EPHA3: variants seen among roughly 807,000 people sequenced by gnomAD.
EPHA3 encodes ephrin type-A receptor 3.
Under a neutral mutation model 107.1 loss-of-function variants are expected in EPHA3, and 42 were observed. The ratio of observed to expected loss-of-function variants is 0.39; its 90% CI spans 0.31 to 0.51. The LOEUF is 0.51. Ranked by LOEUF, EPHA3 falls within the 20% of genes least tolerant of loss-of-function variation. The probability of loss-of-function intolerance (pLI) is 0.78; values close to 1 mark genes in which losing one functional copy is unlikely to be tolerated. For synonymous variants in EPHA3, 461 were observed against 424.8 expected (o/e 1.09, Z -1.05); for missense variants, 1,183 against 1,211.2 (o/e 0.98, Z 0.35).
intron 16 of EPHA3, among the ~76,000 whole-genome samples, chr3:89,474,606 A>C (rs1368251507): frequency 6.6e-6 from 1 of 152,166 alleles, no homozygotes; most frequent in Non-Finnish European, 1.5e-5. Flanking sequence ...AAATATCAAC[A>C]CTCAAAACTT....
rs1027305939 is a variant in EPHA3 at position 89,210,003 on chromosome 3, C to T, written c.297C>T (p.Leu99=). Reference sequence around the variant, plus strand: ...CAGCTCAGAAGATTTATGTGGAGCTCAAGTTCACTCTACGAGACTGCAATA... The same window carrying T: ...CAGCTCAGAAGATTTATGTGGAGCTTAAGTTCACTCTACGAGACTGCAATA... ...RNSAQKIYVE[L]KFTLRDCNSI... is the part of the protein sequence containing the mutation. The change falls in exon 3 of 17, where the codon CTC becomes CTT. Residue 99 remains leucine (L), a synonymous_variant. Coordinates refer to ENST00000336596, the MANE Select transcript of EPHA3 (RefSeq NM_005233.6). The T allele has an allele frequency of 4.1e-5, 66 of 1,613,846 alleles. No homozygotes were observed. Among genetic ancestry groups the T allele is most frequent in the Non-Finnish European group, 5.3e-5 (63 of 1,179,946 alleles).
At chr3:89,454,520 A>G (rs1710059644) in intron 15 of EPHA3, among the ~76,000 whole-genome samples, 1 of 152,112 alleles carries the variant, frequency 6.6e-6, no homozygotes. Flanking sequence ...GACCTGGACC[A>G]CTGCAATAGG....
chr3:89,370,298 A>T (rs545688961), intron 5 of EPHA3, among the ~76,000 whole-genome samples: 1 of 151,808 alleles, frequency 6.6e-6, no homozygotes, highest in African/African-American at 2.4e-5. Flanking sequence ...AAAATGTGGC[A>T]CATATACACC....
At chr3:89,170,036 CA>C (rs1705175762) in intron 2 of EPHA3, among the ~76,000 whole-genome samples, 1 of 151,962 alleles carries the variant, frequency 6.6e-6, no homozygotes, top group Admixed American at 6.5e-5. Context: ...ATCACGAGGT[CA>C]GGGGATCGAG....
At chr3:89,470,023 G>A (rs541945944) in intron 15 of EPHA3, among the ~76,000 whole-genome samples, 115 of 151,206 alleles carry the variant, frequency 7.6e-4, no homozygotes, top group South Asian at 1.9e-3. Context: ...GAACTAAAAC[G>A]GCAAAAAATC....
rs1403998013 is a variant in EPHA3, at chr3:89,347,044, G to C, written c.1306+4954G>C. On this transcript the variant is annotated intron_variant, in intron 5 of 16. Coordinates refer to ENST00000336596, the MANE Select transcript of EPHA3 (RefSeq NM_005233.6). ...AGCCTTGTAGTATAGTTTGAAGTCA[G>C]GTAGTGTGATGCCTCCAGCTTTGTT... Among the ~76,000 whole-genome samples the C allele has an allele frequency of 7.7e-5, 11 of 142,744 alleles. 1 individual carries two copies. Among genetic ancestry groups the C allele is most frequent in the Non-Finnish European group, 1.7e-4 (11 of 64,970 alleles). The allele number at this position is 142,744 out of a possible 152,430, so 93.6% of individuals were successfully genotyped here.
intron 1 of EPHA3, among the ~76,000 whole-genome samples, chr3:89,119,338 C>A (rs534793452): frequency 6.6e-6 from 1 of 152,066 alleles, no homozygotes; most frequent in East Asian, 1.9e-4. Flanking sequence ...TCTCATTGGT[C>A]TTTATTTGCA....
chr3:89,242,689 A>T (rs1704931994), intron 3 of EPHA3, among the ~76,000 whole-genome samples: 1 of 151,960 alleles, frequency 6.6e-6, no homozygotes, highest in Non-Finnish European at 1.5e-5. Context: ...TGCCTGCCTC[A>T]GCCTCCCAAA....
intron 2 of EPHA3, among the ~76,000 whole-genome samples, chr3:89,170,925 T>G (rs1705197306): frequency 7.4e-6 from 1 of 134,530 alleles, no homozygotes; most frequent in South Asian, 2.5e-4. Flanking sequence ...GAGCATATGC[T>G]AACTCTTTAA....
At chr3:89,380,739 T>C (rs907246940) in intron 5 of EPHA3, among the ~76,000 whole-genome samples, 1 of 151,454 alleles carries the variant, frequency 6.6e-6, no homozygotes, top group African/African-American at 2.4e-5. Context: ...TACTATAAAC[T>C]GTGACTCTTT....
In EPHA3 at chr3:89,160,191, A is replaced by G. The variant is rs116445087; in HGVS notation, c.153+32918A>G. ...ATAATATATAATATATTAGAAATCA[A>G]TAATGTTTGGAACAATCAGAATGGA... On this transcript the variant is annotated intron_variant, in intron 2 of 16. Coordinates refer to ENST00000336596, the MANE Select transcript of EPHA3 (RefSeq NM_005233.6). 5.6e-3 allele frequency among the ~76,000 whole-genome samples: 848 copies of G among 152,176 alleles called. 4 individuals are homozygous for G. The highest frequency in any genetic ancestry group is 8.4e-3 in the Non-Finnish European group (573 of 68,002).
intron 11 of EPHA3, among the ~76,000 whole-genome samples, chr3:89,420,595 T>A (rs967568754): frequency 2.6e-5 from 4 of 151,544 alleles, no homozygotes; most frequent in African/African-American, 7.3e-5. Context: ...AATTTTAAGT[T>A]AATAATTAAT....
intron 3 of EPHA3, among the ~76,000 whole-genome samples, chr3:89,273,645 AG>A (rs1705734267): frequency 6.6e-6 from 1 of 151,856 alleles, no homozygotes; most frequent in South Asian, 2.1e-4. Context: ...TGCTGCTCCT[AG>A]GGGAAATACA....
intron 3 of EPHA3, among the ~76,000 whole-genome samples, chr3:89,336,833 G>A (rs1707403043): frequency 6.6e-6 from 1 of 152,046 alleles, no homozygotes; most frequent in Admixed American, 6.6e-5. Flanking sequence ...AGCTGAAGGG[G>A]GAGAAACTCT....
chr3:89,397,063 A>G (rs1448060743), intron 6 of EPHA3, among the ~76,000 whole-genome samples: 3 of 152,128 alleles, frequency 2.0e-5, no homozygotes, highest in East Asian at 1.9e-4. Context: ...AATTATTGGC[A>G]TAATCAACTG....
At chr3:89,320,774 T>G (rs1326730052) in intron 3 of EPHA3, among the ~76,000 whole-genome samples, 1 of 152,000 alleles carries the variant, frequency 6.6e-6, no homozygotes, top group African/African-American at 2.4e-5. Flanking sequence ...CCTGAAAAAT[T>G]GTTACTGAAA....
chr3:89,418,559 T>C (rs1709295224), intron 10 of EPHA3, among the ~76,000 whole-genome samples: 1 of 151,404 alleles, frequency 6.6e-6, no homozygotes, highest in Non-Finnish European at 1.5e-5. Context: ...AGACTTTTTT[T>C]TTTAAATTGA....
At chr3:89,372,113 C>G (rs2107472623) in intron 5 of EPHA3, among the ~76,000 whole-genome samples, 1 of 151,724 alleles carries the variant, frequency 6.6e-6, no homozygotes, top group East Asian at 1.9e-4. Context: ...CTGAAACATT[C>G]CGATAAAATT....
chr3:89,136,852 A>G (rs1028804496), intron 2 of EPHA3, among the ~76,000 whole-genome samples: 1 of 151,818 alleles, frequency 6.6e-6, no homozygotes, highest in African/African-American at 2.4e-5. Flanking sequence ...ATCATTCTTT[A>G]TTTTTTTAAA....
Sources: allele counts gnomAD v4.1 joint callset (sites outside exome capture counted in the v4.1 genomes callset), GRCh38; gene constraint gnomAD v4.1.1; transcripts MANE v1.5; gene names NCBI Gene and HGNC (gene_info 2026-07-23, HGNC 2026-07-21).